Variants in NYAP2 observed in about 807,000 individuals in gnomAD.
The protein encoded by NYAP2 is neuronal tyrosine-phosphorylated phosphoinositide-3-kinase adapter 2.
Under a neutral mutation model 50.4 loss-of-function variants are expected in NYAP2, and 23 were observed. The ratio of observed to expected loss-of-function variants is 0.46; its 90% CI spans 0.33 to 0.65. The LOEUF (loss-of-function observed/expected upper bound fraction) is 0.65, where lower values mean the gene tolerates loss of function less well. Among genes scored for constraint, NYAP2 ranks in the 30% least tolerant of loss-of-function variants. The probability of loss-of-function intolerance (pLI) is 0.02; values close to 1 mark genes in which losing one functional copy is unlikely to be tolerated. For synonymous variants in NYAP2, 394 were observed against 365.2 expected, an observed-to-expected ratio of 1.08 and a Z score of -0.90; for missense variants, 885 against 861.0, an observed-to-expected ratio of 1.03 and a Z score of -0.35.
At chr2:225,635,703 G>A (rs1167183114) in intron 6 of NYAP2, among the ~76,000 whole-genome samples, 1 of 152,168 alleles carries the variant, frequency 6.6e-6, no homozygotes, top group East Asian at 1.9e-4. Flanking sequence ...TGGCCAGTGT[G>A]ATGACCCTTT....
intron 3 of NYAP2, among the ~76,000 whole-genome samples, chr2:225,451,728 G>A (rs193247411): frequency 1.3e-5 from 2 of 152,254 alleles, no homozygotes; most frequent in South Asian, 4.1e-4. Context: ...TAAAAATAAT[G>A]AGTGAAATAG....
chr2:225,641,178 A>G (rs1364955783), intron 6 of NYAP2, among the ~76,000 whole-genome samples: 1 of 151,940 alleles, frequency 6.6e-6, no homozygotes, highest in Non-Finnish European at 1.5e-5. Context: ...TTGCTCCTAG[A>G]CCACAGCTGT....
chr2:225,627,213 A>G, intron 6 of NYAP2, 87 bp downstream of exon 6: 2 of 996,910 alleles, frequency 2.0e-6, no homozygotes, highest in South Asian at 2.9e-5. Context: ...AATTATCACC[A>G]CAGATATCTC....
chr2:225,412,920 A>C (rs1242951435), intron 3 of NYAP2, among the ~76,000 whole-genome samples: 1 of 152,068 alleles, frequency 6.6e-6, no homozygotes. Flanking sequence ...GGCAGCAGGA[A>C]CACTGACCAG....
intron 3 of NYAP2, among the ~76,000 whole-genome samples, chr2:225,450,735 A>AC (rs1256423446): frequency 6.6e-6 from 1 of 152,212 alleles, no homozygotes; most frequent in Admixed American, 6.5e-5. Context: ...TCTTGTAATT[A>AC]CTAGGGCTCA....
chr2:225,461,296 G>A (rs1689827437), intron 3 of NYAP2, among the ~76,000 whole-genome samples: 1 of 152,182 alleles, frequency 6.6e-6, no homozygotes, highest in Admixed American at 6.5e-5. Flanking sequence ...GTGTAGCACT[G>A]AAATTGTCAC....
At chr2:225,663,271 T>G in the NYAP2 span, among the ~76,000 whole-genome samples, 1 of 152,120 alleles carries the variant, frequency 6.6e-6, no homozygotes, top group Non-Finnish European at 1.5e-5. Flanking sequence ...TGATCACAGG[T>G]TTAGCATCTC....
upstream of NYAP2, among the ~76,000 whole-genome samples, chr2:225,399,275 C>T (rs577833082): frequency 1.3e-5 from 2 of 151,988 alleles, no homozygotes; most frequent in South Asian, 4.2e-4. Flanking sequence ...TAGATTAAAA[C>T]ATGTACATTT....
At chr2:225,554,387 C>T (rs1379886862) in intron 4 of NYAP2, among the ~76,000 whole-genome samples, 1 of 150,032 alleles carries the variant, frequency 6.7e-6, no homozygotes, top group African/African-American at 2.5e-5. Context: ...ATGGCACAAT[C>T]TCAGCCCACT....
exon 7 of NYAP2, chr2:225,652,330 G>C (rs1171525235): frequency 2.0e-5 from 3 of 152,160 alleles, no homozygotes; most frequent in Non-Finnish European, 4.4e-5. Context: ...CTCAGAAAGG[G>C]AATGTAAGTG....
At chr2:225,632,052 A>T (rs930156225) in intron 6 of NYAP2, among the ~76,000 whole-genome samples, 1 of 152,146 alleles carries the variant, frequency 6.6e-6, no homozygotes, top group Non-Finnish European at 1.5e-5. Context: ...TCCTGACCTC[A>T]GGTGATCCAC....
chr2:225,412,255 C>CTTGTTTTTT (rs1695055587), intron 3 of NYAP2, among the ~76,000 whole-genome samples: 1 of 59,128 alleles, frequency 1.7e-5, no homozygotes, highest in African/African-American at 5.6e-5. Flanking sequence ...CTGCGCCCGG[C>CTTGTTTTTT]TTTTTTTTTT....
In NYAP2 at chr2:225,582,507, C is replaced by T; in HGVS notation, c.1090C>T (p.Pro364Ser). ...TACCCCTCTGGAGGTCACGAAGCTTCCCGTGCTGGAAAACGTGTCTTACAT... is the reference window on the plus strand; with the variant it reads ...TACCCCTCTGGAGGTCACGAAGCTTTCCGTGCTGGAAAACGTGTCTTACAT... The change falls in exon 5 of 7, where the codon CCC (proline) becomes TCC (serine). Residue 364 changes from proline to serine, a missense_variant. Physicochemically the swap from Pro to Ser is moderately conservative, Grantham distance 74 (BLOSUM62 -1). Coordinates refer to ENST00000636099, the Ensembl canonical transcript of NYAP2. This position sits in a 1 kb window ranked among gnomAD's most constrained non-coding sequence, Gnocchi z 7.0. 6.5e-7 allele frequency: 1 copy of T among 1,537,178 alleles called. No individual in the cohort carries two copies. The highest frequency in any genetic ancestry group is 8.8e-7 in the Non-Finnish European group (1 of 1,136,516).
At position 225,582,772 on chromosome 2, in the gene NYAP2, A is replaced by G. The variant is rs759438407; in HGVS notation, c.1355A>G (p.Lys452Arg). 1.9e-6 allele frequency: 3 copies of G among 1,613,656 alleles called. No individual in the cohort carries two copies. The highest frequency in any genetic ancestry group is 1.3e-5 in the African/African-American group (1 of 74,876). ...AGGTCCCTGACTCCCCTGAGCCTCAAAAGGCCTCCCCCTTACGACGCTGTG... is the reference window on the plus strand; with the variant it reads ...AGGTCCCTGACTCCCCTGAGCCTCAGAAGGCCTCCCCCTTACGACGCTGTG... Residue 452 changes from lysine to arginine, a missense_variant, in exon 5 of 7, where the codon AAA (lysine) becomes AGA (arginine). Coordinates refer to ENST00000636099, the Ensembl canonical transcript of NYAP2. The surrounding 1 kb of genome is among the most constrained non-coding windows in gnomAD (Gnocchi z 7.0).
intron 3 of NYAP2, among the ~76,000 whole-genome samples, chr2:225,445,475 T>C (rs1044012933): frequency 6.6e-6 from 1 of 152,044 alleles, no homozygotes; most frequent in Non-Finnish European, 1.5e-5. Context: ...AATTGTAGAA[T>C]GACAAAGTTT....
At chr2:225,697,027 A>T in the NYAP2 span, among the ~76,000 whole-genome samples, 1 of 151,858 alleles carries the variant, frequency 6.6e-6, no homozygotes, top group Non-Finnish European at 1.5e-5. Flanking sequence ...CAATGACTTC[A>T]AGTGCACTAT....
downstream of NYAP2, among the ~76,000 whole-genome samples, chr2:225,655,381 G>A (rs535786998): frequency 3.9e-5 from 6 of 152,222 alleles, no homozygotes; most frequent in South Asian, 1.2e-3. Context: ...GAACTTCCTT[G>A]TAATGCAGCC....
Position 225,506,357 on chromosome 2 carries a change from AATTG to A in NYAP2, c.222-7013_222-7010del, listed in dbSNP as rs139714357. ...CTGGGGAGAGCGTGTGAATATGATG[AATTG>A]TATGACAAGTTACACCTGCCAAAAG... On this transcript the variant is annotated intron_variant, in intron 3 of 6. Coordinates refer to ENST00000636099, the Ensembl canonical transcript of NYAP2. Among the ~76,000 whole-genome samples the A allele has an allele frequency of 4.3e-3, 650 of 152,320 alleles. 6 individuals are homozygous for A. Among genetic ancestry groups the A allele is most frequent in the African/African-American group, 0.014 (601 of 41,566 alleles).
intron 3 of NYAP2, among the ~76,000 whole-genome samples, chr2:225,470,657 C>T (rs905952127): frequency 5.9e-5 from 9 of 152,114 alleles, no homozygotes; most frequent in African/African-American, 2.2e-4. Flanking sequence ...TTACAGTGTT[C>T]TAAAGTGTGA....
Sources: gnomAD v4.1 joint callset for allele counts (sites outside exome capture counted in the v4.1 genomes callset) on GRCh38, gnomAD v4.1.1 for gene constraint, Gnocchi (gnomAD v3.1) non-coding constraint, MANE v1.5 for transcripts, NCBI Gene and HGNC (gene_info 2026-07-23, HGNC 2026-07-21) for gene names.